RAD51B: variants seen among roughly 807,000 people sequenced by gnomAD.
The protein encoded by RAD51B is RAD51 paralog B, also known as DNA repair protein RAD51 homolog 2.
RAD51B carries 38 observed loss-of-function variants against 42.2 expected under a neutral mutation model. The observed-to-expected ratio is 0.90, with a 90% CI of 0.70 to 1.18. RAD51B has a LOEUF of 1.18. Ranked by LOEUF, RAD51B falls within the 50% of genes most tolerant of loss-of-function variation. RAD51B has a pLI of 0.00. For missense variants in RAD51B, 373 were observed against 400.7 expected, an observed-to-expected ratio of 0.93 and a Z score of 0.59; for synonymous variants, 154 against 145.2, an observed-to-expected ratio of 1.06 and a Z score of -0.43.
intron 7 of RAD51B, among the ~76,000 whole-genome samples, chr14:67,888,233 T>C (rs1389712460): frequency 6.6e-6 from 1 of 152,184 alleles, no homozygotes; most frequent in Non-Finnish European, 1.5e-5. Flanking sequence ...AAGTTTGTCT[T>C]GGGTGATGTT....
chr14:68,008,096 T>G (rs1183118994), intron 7 of RAD51B, among the ~76,000 whole-genome samples: 1 of 151,850 alleles, frequency 6.6e-6, no homozygotes, highest in Admixed American at 6.6e-5. Context: ...TTATATAGAA[T>G]ATGTCTATAT....
At chr14:68,664,658 C>G (rs1424770061) in intron 11 of RAD51B, among the ~76,000 whole-genome samples, 2 of 152,172 alleles carry the variant, frequency 1.3e-5, no homozygotes, top group Non-Finnish European at 2.9e-5. Context: ...CAGTGAATCT[C>G]CCACCTACTC....
chr14:67,886,821 A>G lies in RAD51B; in HGVS notation c.573-200A>G, dbSNP rs35575056. 2,858 of 386,534 alleles carry G rather than the reference A, an allele frequency of 7.4e-3. 81 individuals carry two copies. Among genetic ancestry groups the G allele is most frequent in the African/African-American group, 0.053 (2,542 of 47,958 alleles). The allele number at this position is 386,534 out of a possible 1,614,324, so 23.9% of individuals were successfully genotyped here. A position where few individuals can be genotyped will look rare whatever the true frequency, so the allele number is the denominator to read the frequency against. ...ATCTTAGGAGAATCAAGGAATTCTG[A>G]AACTACACAGAAACAGTTTGCTCTG... On this transcript the variant is annotated intron_variant, in intron 6 of 10. Coordinates refer to ENST00000471583, the MANE Select transcript of RAD51B (RefSeq NM_133510.4).
chr14:68,188,062 G>A (rs1220676246), intron 7 of RAD51B, among the ~76,000 whole-genome samples: 1 of 152,000 alleles, frequency 6.6e-6, no homozygotes, highest in Non-Finnish European at 1.5e-5. Flanking sequence ...TCATCCACCC[G>A]CCTCAGCCTC....
At chr14:68,637,877 C>T (rs1892373214) in intron 10 of RAD51B, among the ~76,000 whole-genome samples, 1 of 152,240 alleles carries the variant, frequency 6.6e-6, no homozygotes, top group South Asian at 2.1e-4. Flanking sequence ...TAGAGGCCCC[C>T]ACAGCACATT....
intron 9 of RAD51B, among the ~76,000 whole-genome samples, chr14:68,454,088 T>A (rs1302715699): frequency 6.6e-6 from 1 of 152,230 alleles, no homozygotes; most frequent in Non-Finnish European, 1.5e-5. Context: ...ATTAAAGAGC[T>A]AGAAGATAAT....
chr14:68,471,442 C>A (rs1452724493), intron 10 of RAD51B, among the ~76,000 whole-genome samples: 1 of 152,016 alleles, frequency 6.6e-6, no homozygotes, highest in Admixed American at 6.5e-5. Context: ...GGGCAGAATT[C>A]GATTTACCAG....
intron 10 of RAD51B, among the ~76,000 whole-genome samples, chr14:68,559,564 A>G (rs1478368588): frequency 6.6e-6 from 1 of 151,946 alleles, no homozygotes; most frequent in Non-Finnish European, 1.5e-5. Flanking sequence ...CCTTTTTGGT[A>G]GAGAAGAGTG....
At chr14:68,486,367 T>C (rs1489481457) in intron 10 of RAD51B, among the ~76,000 whole-genome samples, 3 of 152,198 alleles carry the variant, frequency 2.0e-5, no homozygotes. Context: ...TTAAGTCTAT[T>C]GCCACTGGCT....
chr14:68,294,190 A>G (rs139125275), intron 8 of RAD51B, among the ~76,000 whole-genome samples: 1 of 152,358 alleles, frequency 6.6e-6, no homozygotes, highest in African/African-American at 2.4e-5. Context: ...TCAGGGTTGC[A>G]GTATAACTGC....
At chr14:68,179,011 T>C (rs929833719) in intron 7 of RAD51B, among the ~76,000 whole-genome samples, 14 of 152,150 alleles carry the variant, frequency 9.2e-5, no homozygotes, top group Non-Finnish European at 1.0e-4. Flanking sequence ...TATAAAATGA[T>C]TGTGGGAGTG....
At chr14:68,575,788 C>T (rs1282645593) in intron 10 of RAD51B, among the ~76,000 whole-genome samples, 1 of 152,228 alleles carries the variant, frequency 6.6e-6, no homozygotes, top group Non-Finnish European at 1.5e-5. Context: ...GTCAGAAAGC[C>T]TCATACTTAC....
rs568726768 is a variant in RAD51B at position 68,177,289 on chromosome 14, G to A, written c.757-114595G>A. The stretch of plus-strand genomic sequence containing the variant: ...AGCCCAACAGTATAAGCCTATGACT[G>A]CTCAAGCACATGTGTGTGCATGCAC... On this transcript the variant is annotated intron_variant, in intron 7 of 10. Coordinates refer to ENST00000471583, the MANE Select transcript of RAD51B (RefSeq NM_133510.4). Among the ~76,000 whole-genome samples the A allele has an allele frequency of 2.0e-5, 3 of 152,288 alleles. No individual in the cohort carries two copies. The East Asian group carries it at 5.8e-4, about 29-fold the overall frequency.
At chr14:68,643,356 T>C (rs1211864424) in intron 10 of RAD51B, among the ~76,000 whole-genome samples, 1 of 152,228 alleles carries the variant, frequency 6.6e-6, no homozygotes, top group Non-Finnish European at 1.5e-5. Context: ...GTTAGCATGG[T>C]ATGTCTTTAT....
At chr14:67,989,666 GAA>G (rs1477523891) in intron 7 of RAD51B, among the ~76,000 whole-genome samples, 34 of 136,504 alleles carry the variant, frequency 2.5e-4, no homozygotes, top group African/African-American at 8.9e-4. Context: ...AAGAAAGAAA[GAA>G]AAAAGAAAAA....
At chr14:68,170,587 C>G (rs1233065504) in intron 7 of RAD51B, among the ~76,000 whole-genome samples, 2 of 152,084 alleles carry the variant, frequency 1.3e-5, no homozygotes. Context: ...ATATTTCTTA[C>G]TAGTCTTATT....
chr14:68,431,731 T>G (rs1163591107), intron 9 of RAD51B, among the ~76,000 whole-genome samples: 1 of 152,150 alleles, frequency 6.6e-6, no homozygotes, highest in Non-Finnish European at 1.5e-5. Flanking sequence ...TTTTGAAGGG[T>G]TTTTTATGTC....
chr14:68,502,380 G>T (rs1310172321), intron 10 of RAD51B, among the ~76,000 whole-genome samples: 2 of 152,222 alleles, frequency 1.3e-5, no homozygotes, highest in Non-Finnish European at 1.5e-5. Flanking sequence ...GCGCACAGCT[G>T]CAGTTCCGAC....
At chr14:68,039,603 T>G (rs1235988108) in intron 7 of RAD51B, among the ~76,000 whole-genome samples, 2 of 152,204 alleles carry the variant, frequency 1.3e-5, no homozygotes, top group African/African-American at 4.8e-5. Flanking sequence ...CATATGCCTG[T>G]GTTTACCTTT....
Sources: allele counts gnomAD v4.1 joint callset (sites outside exome capture counted in the v4.1 genomes callset), GRCh38; gene constraint gnomAD v4.1.1; transcripts MANE v1.5; gene names NCBI Gene and HGNC (gene_info 2026-07-23, HGNC 2026-07-21).